Variants in ZNF362 observed in about 807,000 individuals in gnomAD.
ZNF362 encodes the protein zinc finger protein 362.
ZNF362 carries 11 observed loss-of-function variants against 42.9 expected under a neutral mutation model. The ratio of observed to expected loss-of-function variants is 0.26; its 90% confidence interval spans 0.16 to 0.42. The LOEUF (loss-of-function observed/expected upper bound fraction) is 0.42. Ranked by LOEUF, ZNF362 falls within the 20% of genes least tolerant of loss-of-function variation. ZNF362 has a pLI of 1.00. For missense variants in ZNF362, 362 were observed against 576.2 expected (o/e 0.63, Z 3.81); for synonymous variants, 255 against 257.3 (o/e 0.99, Z 0.09).
In ZNF362 at chr1:33,281,223, G is replaced by GC. The variant is rs1365678582; in HGVS notation, c.684-363dup. 5.3e-5 allele frequency among the ~76,000 whole-genome samples: 8 copies of GC among 152,234 alleles called. No individual in the cohort carries two copies. The East Asian group carries it at 1.5e-3, about 29-fold the overall frequency. On this transcript the variant is annotated intron_variant, in intron 5 of 8. Transcript: ENST00000539719. The surrounding 1 kb of genome is among the most constrained non-coding windows in gnomAD (Gnocchi z 4.8). Reference sequence around the variant, plus strand: ...GGGCAGGCGTTGGTATTTCTTAGACGCTCCCCAGATGATTCTAATGAGCAG... The same window carrying GC: ...GGGCAGGCGTTGGTATTTCTTAGACGCCTCCCCAGATGATTCTAATGAGCAG...
chr1:33,130,745 A>G, the ZNF362 span, among the ~76,000 whole-genome samples: 1 of 152,240 alleles, frequency 6.6e-6, no homozygotes, highest in Non-Finnish European at 1.5e-5. Flanking sequence ...GCAATAGATA[A>G]CTAATACAGA....
chr1:33,191,443 T>C, the ZNF362 span, among the ~76,000 whole-genome samples: 1 of 152,230 alleles, frequency 6.6e-6, no homozygotes, highest in Non-Finnish European at 1.5e-5. Flanking sequence ...CAGCTTTTTA[T>C]TGGTATCTAT....
chr1:33,285,103 T>C (rs1442345455), intron 6 of ZNF362, among the ~76,000 whole-genome samples: 1 of 152,204 alleles, frequency 6.6e-6, no homozygotes, highest in Non-Finnish European at 1.5e-5. Context: ...GGTATAATCA[T>C]GATCAATTTT....
the ZNF362 span, among the ~76,000 whole-genome samples, chr1:33,153,251 G>C: frequency 6.6e-6 from 1 of 152,158 alleles, no homozygotes; most frequent in African/African-American, 2.4e-5. Context: ...GACTTCACAG[G>C]CCCCACAGAC....
rs1446374431 is a variant in ZNF362 at position 33,266,875 on chromosome 1, G to T, written c.-88-3612G>T. 1.3e-5 allele frequency among the ~76,000 whole-genome samples: 2 copies of T among 152,188 alleles called. No homozygotes were observed. The highest frequency in any genetic ancestry group is 4.8e-5 in the African/African-American group (2 of 41,432). On this transcript the variant is annotated intron_variant, in intron 1 of 8. Coordinates refer to ENST00000539719, the MANE Select transcript of ZNF362 (RefSeq NM_152493.3). The surrounding 1 kb of genome is among the most constrained non-coding windows in gnomAD (Gnocchi z 4.3). ...TGAGTGTGGCCAGGGGACCTTCTTG[G>T]CGAAAACCCGAGCATCAGACTGTGG...
the ZNF362 span, among the ~76,000 whole-genome samples, chr1:33,238,407 A>AAATAC: frequency 6.6e-6 from 1 of 150,460 alleles, no homozygotes; most frequent in Admixed American, 6.6e-5. Context: ...AAATAAAATA[A>AAATAC]AAAAAGAGAT....
the ZNF362 span, among the ~76,000 whole-genome samples, chr1:33,190,013 G>C: frequency 6.6e-6 from 1 of 151,994 alleles, no homozygotes; most frequent in Non-Finnish European, 1.5e-5. Context: ...CCTGGAATCA[G>C]TGTCAGTCCG....
At chr1:33,147,490 G>GCGGCTTC in the ZNF362 span, 5 of 1,608,502 alleles carry the variant, frequency 3.1e-6, no homozygotes, top group Admixed American at 3.4e-5. This position sits in a 1 kb window ranked among gnomAD's most constrained non-coding sequence, Gnocchi z 8.1. Flanking sequence ...CTTGCGGCTT[G>GCGGCTTC]CGGCTTCGTG....
rs1027464530 is a variant in ZNF362, at chr1:33,294,451, C to T, written c.909-486C>T. Among the ~76,000 whole-genome samples, 44 of 152,152 alleles carry T rather than the reference C, an allele frequency of 2.9e-4. No individual in the cohort carries two copies. The highest frequency in any genetic ancestry group is 5.4e-4 in the Non-Finnish European group (37 of 68,036). ...TTTACTGGGGTGACCATGCAGCTGT[C>T]ACGGAGATGTGCCTGACATGGGGTA... On this transcript the variant is annotated intron_variant, in intron 6 of 8. Transcript: ENST00000539719. The surrounding 1 kb of genome is among the most constrained non-coding windows in gnomAD (Gnocchi z 4.2).
rs1039882990 is a variant in ZNF362, at chr1:33,299,314, C to T, written c.*268C>T. Reference sequence around the variant, plus strand: ...TCTGTTGAGTTTTCTTTTTGTTCCCCACCCTTCACTTGCTTCACTGTTTTT... The same window carrying T: ...TCTGTTGAGTTTTCTTTTTGTTCCCTACCCTTCACTTGCTTCACTGTTTTT... On this transcript the variant is annotated 3_prime_UTR_variant, in exon 9 of 9. Transcript: ENST00000539719. 5 of 351,582 alleles carry T rather than the reference C, an allele frequency of 1.4e-5. No homozygotes were observed. The highest frequency in any genetic ancestry group is 2.6e-5 in the Non-Finnish European group (5 of 194,838). The allele number at this position is 351,582 out of a possible 1,614,324, so 21.8% of individuals were successfully genotyped here. A position where few individuals can be genotyped will look rare whatever the true frequency, so the allele number is the denominator to read the frequency against.
chr1:33,275,628 A>C (rs1273953647), intron 2 of ZNF362, among the ~76,000 whole-genome samples: 1 of 152,214 alleles, frequency 6.6e-6, no homozygotes, highest in East Asian at 1.9e-4. Flanking sequence ...GATTTTGAGA[A>C]GGATGTCCGT....
the ZNF362 span, among the ~76,000 whole-genome samples, chr1:33,162,455 A>C: frequency 6.6e-6 from 1 of 152,090 alleles, no homozygotes; most frequent in Non-Finnish European, 1.5e-5. Flanking sequence ...ATTGTCCCAC[A>C]TTTTCTGTCT....
chr1:33,237,645 A>G, the ZNF362 span, among the ~76,000 whole-genome samples: 1 of 152,146 alleles, frequency 6.6e-6, no homozygotes. Context: ...CCTCATGATG[A>G]TCTGTGGTGG....
At chr1:33,243,108 A>ATTATG in the ZNF362 span, among the ~76,000 whole-genome samples, 31,424 of 144,394 alleles carry the variant, frequency 0.22, 3,617 homozygotes, top group Middle Eastern at 0.27. Context: ...CACAACTGTT[A>ATTATG]TTATGTTATG....
chr1:33,195,315 G>A, the ZNF362 span: 1 of 152,100 alleles, frequency 6.6e-6, no homozygotes, highest in East Asian at 1.9e-4. Flanking sequence ...CAGCTCAGAG[G>A]GGAAGAATCT....
the ZNF362 span, among the ~76,000 whole-genome samples, chr1:33,232,761 T>C: frequency 6.6e-6 from 1 of 152,220 alleles, no homozygotes; most frequent in Non-Finnish European, 1.5e-5. Context: ...TCCTTATGGC[T>C]TAAGCCGTAT....
At chr1:33,270,859 T>C (rs1481607227) in intron 2 of ZNF362, among the ~76,000 whole-genome samples, 1 of 152,114 alleles carries the variant, frequency 6.6e-6, no homozygotes, top group Non-Finnish European at 1.5e-5. Context: ...GTATCTGTCA[T>C]TTGTGTCTGG....
chr1:33,178,517 A>G, the ZNF362 span, among the ~76,000 whole-genome samples: 1 of 152,194 alleles, frequency 6.6e-6, no homozygotes, highest in African/African-American at 2.4e-5. Context: ...TGGGCACATG[A>G]GCTCTCACAG....
the ZNF362 span, among the ~76,000 whole-genome samples, chr1:33,228,348 C>T: frequency 6.6e-6 from 1 of 152,250 alleles, no homozygotes; most frequent in Non-Finnish European, 1.5e-5. Context: ...CTTTCAATAT[C>T]ATCTATACTT....
Sources: allele counts gnomAD v4.1 joint callset (sites outside exome capture counted in the v4.1 genomes callset), GRCh38; gene constraint gnomAD v4.1.1; non-coding constraint Gnocchi (gnomAD v3.1); transcripts MANE v1.5; gene names NCBI Gene and HGNC (gene_info 2026-07-23, HGNC 2026-07-21).